ANAPC2: variants seen among roughly 807,000 people sequenced by gnomAD.
ANAPC2 encodes anaphase-promoting complex subunit 2.
ANAPC2 carries 29 observed loss-of-function variants against 84.3 expected under a neutral mutation model. The ratio of observed to expected loss-of-function variants is 0.34; its 90% CI spans 0.26 to 0.47. ANAPC2 has a LOEUF of 0.47. ANAPC2 is among the 20% of genes least tolerant of loss of function. The pLI, the probability that ANAPC2 is intolerant of heterozygous loss-of-function variation, is 1.00. For missense variants in ANAPC2, 857 were observed against 1,131.7 expected (o/e 0.76, Z 3.48); for synonymous variants, 571 against 479.4 (o/e 1.19, Z -2.50).
At chr9:137,181,167 G>A (rs1250796313) in intron 7 of ANAPC2, among the ~76,000 whole-genome samples, 2 of 152,230 alleles carry the variant, frequency 1.3e-5, no homozygotes, top group African/African-American at 4.8e-5. Flanking sequence ...TGCAGGCTTA[G>A]GGGACAAGCC....
intron 2 of ANAPC2, 172 bp downstream of exon 2, chr9:137,187,309 G>A (rs149371790): frequency 5.8e-5 from 47 of 814,404 alleles, no homozygotes; most frequent in African/African-American, 5.2e-4. Context: ...AGTGACAGAA[G>A]AGAGACACCT....
Position 137,183,220 on chromosome 9 carries a change from G to T in ANAPC2, c.1191C>A (p.Ile397=). ...LHPGVNTCDI[I]TLYISAIKAL... is the part of the protein sequence containing the mutation. ...CCTTGATGGCAGAGATATAGAGGGTGATGATGTCACACGTGTTGACGCCTA... is the reference window on the plus strand; with the variant it reads ...CCTTGATGGCAGAGATATAGAGGGTTATGATGTCACACGTGTTGACGCCTA... The change falls in exon 6 of 13, where the codon ATC becomes ATA. Residue 397 remains isoleucine, a synonymous_variant. Coordinates refer to ENST00000323927, the MANE Select transcript of ANAPC2 (RefSeq NM_013366.4). 6.2e-7 allele frequency: 1 copy of T among 1,613,122 alleles called. No individual in the cohort carries two copies. Among genetic ancestry groups the T allele is most frequent in the Non-Finnish European group, 8.5e-7 (1 of 1,179,906 alleles).
In ANAPC2 at chr9:137,185,001, G is replaced by A. The variant is rs200821737; in HGVS notation, c.960C>T (p.Thr320=). The A allele has an allele frequency of 4.4e-6, 7 of 1,608,558 alleles. No homozygotes were observed. Among genetic ancestry groups the A allele is most frequent in the South Asian group, 1.1e-5 (1 of 90,224 alleles). ...GCACGTGGCAGCGCCAGCGGCGCAG[G>A]GTGTTGCCGGCCTCGGGAGATGCGG... ...ARPASPEAGN[T]LRRWRCHVQR... The change falls in exon 4 of 13, where the codon ACC becomes ACT. Residue 320 remains threonine (T), a synonymous_variant. Transcript: ENST00000323927.
intron 11 of ANAPC2, 69 bp downstream of exon 11, chr9:137,175,639 G>A: frequency 6.4e-7 from 1 of 1,551,854 alleles, no homozygotes; most frequent in Non-Finnish European, 8.7e-7. Context: ...ACCCTCACTG[G>A]GGAACAGCCC....
intron 8 of ANAPC2, 27 bp from the exon 9 acceptor site, chr9:137,180,554 G>T: frequency 1.2e-6 from 2 of 1,612,474 alleles, no homozygotes; most frequent in East Asian, 4.5e-5. Flanking sequence ...CTGGGCAGGG[G>T]GTCGTGATGA....
At position 137,185,025 on chromosome 9, in the gene ANAPC2, G is replaced by C; in HGVS notation, c.936C>G (p.Pro312=). The C allele has an allele frequency of 6.3e-6, 10 of 1,587,508 alleles. No homozygotes were observed. The highest frequency in any genetic ancestry group is 8.6e-6 in the Non-Finnish European group (10 of 1,168,978). The stretch of plus-strand genomic sequence containing the variant: ...GGGTGTTGCCGGCCTCGGGAGATGC[G>C]GGCCTGGCGGGGCCGTCCTGCAGGA... ...KVFLQDGPAR[P]ASPEAGNTLR... is the part of the protein sequence containing the mutation. Residue 312 remains proline (P), a synonymous_variant, in exon 4 of 13, where the codon CCC becomes CCG. Coordinates refer to ENST00000323927, the MANE Select transcript of ANAPC2 (RefSeq NM_013366.4).
At chr9:137,178,490 G>T (rs1175196211) in intron 10 of ANAPC2, among the ~76,000 whole-genome samples, 1 of 152,270 alleles carries the variant, frequency 6.6e-6, no homozygotes, top group African/African-American at 2.4e-5. Context: ...CTGGAGGGAG[G>T]CCATTGGGGC....
In ANAPC2 at chr9:137,176,025, C is replaced by T. The variant is rs572439958; in HGVS notation, c.1891-188G>A. 27 of 628,466 alleles carry T rather than the reference C, an allele frequency of 4.3e-5. No individual in the cohort carries two copies. In the South Asian group the frequency reaches 4.6e-4, roughly 11 times the overall value. The allele number at this position is 628,466 out of a possible 1,614,324, so 38.9% of individuals were successfully genotyped here. A position where few individuals can be genotyped will look rare whatever the true frequency, so the allele number is the denominator to read the frequency against. ...CACCTGCTCAGCCACCATGGAAGGG[C>T]AATGGGGCCAGCATCATAAGGTGTG... On this transcript the variant is annotated intron_variant, in intron 10 of 12. Transcript: ENST00000323927.
rs1453652559 is a variant in ANAPC2, at chr9:137,187,850, G to C, written c.371C>G (p.Pro124Arg). ...CAGCAGCTCTAGGCTACGCAGGTAG[G>C]GATCCAGGCGGCTCTCCAGCAGGCC... The part of the protein sequence containing the change: ...AFGLLESRLD[P>R]YLRSLELLEK... The change falls in exon 2 of 13, where the codon CCC becomes CGC. Residue 124 changes from proline (P) to arginine (R), a missense_variant. Physicochemically the swap from Pro to Arg is moderately radical, Grantham distance 103 (BLOSUM62 -2). Transcript: ENST00000323927. 18 of 1,613,576 alleles carry C rather than the reference G, an allele frequency of 1.1e-5. No individual in the cohort carries two copies. The highest frequency in any genetic ancestry group is 1.5e-5 in the Non-Finnish European group (18 of 1,180,040).
Position 137,175,119 on chromosome 9 carries a change from G to C in ANAPC2, c.2292C>G (p.Asn764Lys). Residue 764 changes from asparagine (N) to lysine (K), a missense_variant, in exon 13 of 13, where the codon AAC (asparagine) becomes AAG (lysine). Physicochemically the swap from Asn to Lys is moderately conservative, Grantham distance 94. Transcript: ENST00000323927. ...FWTYIQAMLT[N>K]LESLSLDRIY... ...TACGATCCAGTGAGAGGCTCTCCAGGTTGGTCAGCATGGCCTGGATGTACG... is the reference window on the plus strand; with the variant it reads ...TACGATCCAGTGAGAGGCTCTCCAGCTTGGTCAGCATGGCCTGGATGTACG... The C allele has an allele frequency of 6.2e-7, 1 of 1,609,346 alleles. No homozygotes were observed. The highest frequency in any genetic ancestry group is 8.5e-7 in the Non-Finnish European group (1 of 1,178,476).
chr9:137,176,030 G>A, intron 10 of ANAPC2, 193 bp from the exon 11 acceptor site: 8 of 614,478 alleles, frequency 1.3e-5, no homozygotes, highest in Middle Eastern at 4.5e-4. Flanking sequence ...AAGGGCAATG[G>A]GGCCAGCATC....
At chr9:137,181,981 T>C in intron 6 of ANAPC2, 119 bp from the exon 7 acceptor site, 3 of 1,107,742 alleles carry the variant, frequency 2.7e-6, no homozygotes, top group Middle Eastern at 5.9e-4. Context: ...CTACACTCAG[T>C]GGTGATGGGC....
At chr9:137,184,605 G>A (rs1834419072) in intron 4 of ANAPC2, among the ~76,000 whole-genome samples, 1 of 141,814 alleles carries the variant, frequency 7.1e-6, no homozygotes, top group Admixed American at 7.2e-5. Flanking sequence ...GAAGGCCCTG[G>A]GAGCCCCAGA....
At chr9:137,176,189 G>A (rs1283523940) in intron 10 of ANAPC2, 3 of 171,536 alleles carry the variant, frequency 1.7e-5, no homozygotes, top group Non-Finnish European at 3.3e-5. Flanking sequence ...GGAAAGATAG[G>A]AAGACACAGG....
intron 1 of ANAPC2, 129 bp downstream of exon 1, chr9:137,188,287 G>T (rs866052159): frequency 4.6e-6 from 6 of 1,298,204 alleles, no homozygotes; most frequent in Middle Eastern, 1.9e-4. Flanking sequence ...CGGAAAGGTG[G>T]TGGAAAATGG....
In ANAPC2 at chr9:137,181,956, C is replaced by T. The variant is rs1834352593; in HGVS notation, c.1287-94G>A. On this transcript the variant is annotated intron_variant, in intron 6 of 12. Coordinates refer to ENST00000323927, the MANE Select transcript of ANAPC2 (RefSeq NM_013366.4). ...AGTCCCGGCCCCATCTAGGCCAGCA[C>T]CACCGACCCTGCCTCTACACTCAGT... The T allele has an allele frequency of 5.8e-6, 8 of 1,368,834 alleles. No individual in the cohort carries two copies. The East Asian group carries it at 2.0e-4, about 34-fold the overall frequency. The allele number at this position is 1,368,834 out of a possible 1,614,324, so 84.8% of individuals were successfully genotyped here. A position where few individuals can be genotyped will look rare whatever the true frequency, so the allele number is the denominator to read the frequency against.
intron 11 of ANAPC2, 64 bp downstream of exon 11, chr9:137,175,644 C>A: frequency 6.4e-7 from 1 of 1,558,200 alleles, no homozygotes; most frequent in Non-Finnish European, 8.7e-7. Flanking sequence ...CACTGGGGAA[C>A]AGCCCCTCAC....
intron 2 of ANAPC2, 119 bp downstream of exon 2, chr9:137,187,362 C>CT: frequency 1.5e-5 from 20 of 1,330,572 alleles, no homozygotes; most frequent in Non-Finnish European, 2.0e-5. Context: ...GACTCTCTCT[C>CT]TGTCATGTTC....
At chr9:137,176,562 C>A (rs528713178) in intron 10 of ANAPC2, 1 of 152,256 alleles carries the variant, frequency 6.6e-6, no homozygotes, top group Non-Finnish European at 1.5e-5. Flanking sequence ...ACTGGTGAGG[C>A]CTGCACGACT....
Sources: gnomAD v4.1 joint callset for allele counts (sites outside exome capture counted in the v4.1 genomes callset) on GRCh38, gnomAD v4.1.1 for gene constraint, MANE v1.5 for transcripts, NCBI Gene and HGNC (gene_info 2026-07-23, HGNC 2026-07-21) for gene names.